Variants in ST6GALNAC6 observed in about 807,000 individuals in gnomAD.
The protein encoded by ST6GALNAC6 is ST6 N-acetylgalactosaminide alpha-2,6-sialyltransferase 6, also known as alpha-N-acetylgalactosaminide alpha-2,6-sialyltransferase 6.
A neutral mutation model predicts 34.3 loss-of-function variants in ST6GALNAC6; 19 were observed. That is an observed-to-expected ratio of 0.55 (90% confidence interval 0.39 to 0.81). The LOEUF (loss-of-function observed/expected upper bound fraction) is 0.81, where lower values mean the gene tolerates loss of function less well. ST6GALNAC6 is among the 40% of genes least tolerant of loss of function. The probability of loss-of-function intolerance (pLI) is 0.00; values close to 1 mark genes in which losing one functional copy is unlikely to be tolerated. For synonymous variants in ST6GALNAC6, 185 were observed against 182.1 expected, an observed-to-expected ratio of 1.02 and a Z score of -0.13; for missense variants, 377 against 467.7, an observed-to-expected ratio of 0.81 and a Z score of 1.79.
At chr9:127,905,508 C>A (rs1025642694), upstream of ST6GALNAC6, 9 of 896,378 alleles carry the variant, frequency 1.0e-5, no homozygotes, top group Non-Finnish European at 1.2e-5. Flanking sequence ...GAAGAGGAGG[C>A]AGCCTCCCAG....
intron 4 of ST6GALNAC6, among the ~76,000 whole-genome samples, chr9:127,892,386 T>C (rs75007291): frequency 0.047 from 7,154 of 152,300 alleles, 257 homozygotes; most frequent in African/African-American, 0.1. Context: ...GTAAAGTTAA[T>C]AAAAGGCCAC....
In ST6GALNAC6 at chr9:127,894,557, C is replaced by T. The variant is rs1430745975; in HGVS notation, c.252G>A (p.Lys84=). ...RGRSRRPVNL[K]KWSITDGYVP... is the part of the protein sequence containing the mutation. ...CATAGCCGTCAGTGATGCTCCACTT[C>T]TTGAGGTTGACAGGTCGGCGGCTAC... is the stretch of plus-strand genomic sequence containing the variant. Residue 84 remains lysine, a synonymous_variant, in exon 4 of 7, where the codon AAG becomes AAA. Transcript: ENST00000373146. 1 of 1,614,150 alleles carries T rather than the reference C, an allele frequency of 6.2e-7. No individual in the cohort carries two copies. Among genetic ancestry groups the T allele is most frequent in the Non-Finnish European group, 8.5e-7 (1 of 1,180,036 alleles).
rs981131550 is a variant in ST6GALNAC6, at chr9:127,897,776, G to T, written c.26+180C>A. 2.1e-6 allele frequency: 3 copies of T among 1,441,526 alleles called. No homozygotes were observed. The Admixed American group carries it at 6.7e-5, about 32-fold the overall frequency. The allele number at this position is 1,441,526 out of a possible 1,614,324, so 89.3% of individuals were successfully genotyped here. Reference sequence around the variant, plus strand: ...TCCAGCCGCCTATATCTTACTACGCGTGGCCACCCTTTCCTGCGGATGCCC... The same window carrying T: ...TCCAGCCGCCTATATCTTACTACGCTTGGCCACCCTTTCCTGCGGATGCCC... On this transcript the variant is annotated intron_variant, in intron 2 of 6. Coordinates refer to ENST00000373146, the MANE Select transcript of ST6GALNAC6 (RefSeq NM_013443.5).
intron 3 of ST6GALNAC6, among the ~76,000 whole-genome samples, chr9:127,896,004 G>A (rs541411195): frequency 4.1e-4 from 63 of 152,292 alleles, no homozygotes; most frequent in African/African-American, 1.4e-3. Context: ...CAGACAGACC[G>A]TCAGGCCTGG....
exon 1 of ST6GALNAC6, chr9:127,905,273 C>T (rs1474058278): frequency 1.0e-6 from 1 of 985,464 alleles, no homozygotes; most frequent in Non-Finnish European, 1.2e-6. Flanking sequence ...TCAAGACAGC[C>T]TTCAGTAGAC....
At chr9:127,889,758 T>A (rs1474544820) in intron 5 of ST6GALNAC6, among the ~76,000 whole-genome samples, 1 of 152,208 alleles carries the variant, frequency 6.6e-6, no homozygotes, top group Non-Finnish European at 1.5e-5. Context: ...AATCAATTTC[T>A]ATATGCCATT....
intron 6 of ST6GALNAC6, 31 bp from the exon 7 acceptor site, chr9:127,886,819 CA>C (rs1564481415): frequency 6.4e-7 from 1 of 1,567,496 alleles, no homozygotes; most frequent in African/African-American, 1.4e-5. Context: ...GTCATCAGGG[CA>C]AGGTGAGCGC....
rs764018000 is a variant in ST6GALNAC6 at position 127,896,288 on chromosome 9, C to A, written c.71G>T (p.Arg24Leu). The change falls in exon 3 of 7, where the codon CGA becomes CTA. Residue 24 changes from arginine (R) to leucine (L), a missense_variant. Transcript: ENST00000373146. ...CCGGCGTCTGCTGAGGGGTAGGTGTCGGCGTCCTGCAGGTGGCCCTGGGGG... is the reference window on the plus strand; with the variant it reads ...CCGGCGTCTGCTGAGGGGTAGGTGTAGGCGTCCTGCAGGTGGCCCTGGGGG... ...SLPPGPPAGRRHLPLSRRRRE... is the reference protein window; with the variant it reads ...SLPPGPPAGRLHLPLSRRRRE... 16 of 1,613,908 alleles carry A rather than the reference C, an allele frequency of 9.9e-6. No individual in the cohort carries two copies. Among genetic ancestry groups the A allele is most frequent in the Admixed American group, 6.7e-5 (4 of 59,982 alleles).
Position 127,890,768 on chromosome 9 carries a change from CT to C in ST6GALNAC6, c.572del (p.Lys191SerfsTer9). Reference protein sequence around the residue: ...IFWGPPSKMQKPQGSLVRVIQ... With the variant: ...IFWGPPSKMQXPQGSLVRVIQ... ...TCACACGCACGAGGCTGCCCTGGGG[CT>C]TCTGCATCTTGCTCGGGGGCCCCCA... On this transcript the variant is annotated frameshift_variant, in exon 5 of 7. Coordinates refer to ENST00000373146, the MANE Select transcript of ST6GALNAC6 (RefSeq NM_013443.5). LOFTEE classifies it high-confidence loss of function. The surrounding 1 kb of genome is among the most constrained non-coding windows in gnomAD (Gnocchi z 4.3). 6.2e-7 allele frequency: 1 copy of C among 1,612,368 alleles called. No homozygotes were observed. The highest frequency in any genetic ancestry group is 8.5e-7 in the Non-Finnish European group (1 of 1,178,606).
upstream of ST6GALNAC6, chr9:127,899,804 A>C (rs1830687814): frequency 2.0e-5 from 5 of 256,204 alleles, no homozygotes; most frequent in Non-Finnish European, 2.4e-5. Context: ...GACCACCAAA[A>C]TACAACAGCC....
At chr9:127,898,088 C>T (rs747895603) in intron 1 of ST6GALNAC6, 78 bp from the exon 2 acceptor site, 2 of 804,956 alleles carry the variant, frequency 2.5e-6, no homozygotes, top group Non-Finnish European at 4.1e-6. Flanking sequence ...AAGGGACACG[C>T]GGGGCTTGAA....
chr9:127,885,966 G>T lies in ST6GALNAC6; in HGVS notation c.*633C>A, dbSNP rs1392209274. ...GGCACTTGTAGGGGAGGTGGAAAGG[G>T]TCTCAGACTCCGCACTGGAAACTGG... On this transcript the variant is annotated 3_prime_UTR_variant, in exon 7 of 7. Transcript: ENST00000373146. The T allele has an allele frequency of 6.5e-6, 1 of 152,748 alleles. No individual in the cohort carries two copies. The highest frequency in any genetic ancestry group is 2.4e-5 in the African/African-American group (1 of 41,434). The allele number at this position is 152,748 out of a possible 1,614,324, so 9.5% of individuals were successfully genotyped here.
At chr9:127,897,006 C>T in intron 2 of ST6GALNAC6, 10 of 948,664 alleles carry the variant, frequency 1.1e-5, no homozygotes, top group Non-Finnish European at 1.3e-5. Context: ...CTGAGAGGCT[C>T]GGTTCTAGTC....
upstream of ST6GALNAC6, chr9:127,905,879 C>T (rs1229096901): frequency 1.0e-6 from 1 of 956,032 alleles, no homozygotes; most frequent in Non-Finnish European, 1.2e-6. Context: ...AGGGCCCTCC[C>T]TCTGAGCCCG....
rs1564489733 is a variant in ST6GALNAC6, at chr9:127,894,687, T to C, written c.122A>G (p.Gln41Arg). 2.5e-6 allele frequency: 4 copies of C among 1,614,022 alleles called. No homozygotes were observed. Among genetic ancestry groups the C allele is most frequent in the Non-Finnish European group, 1.7e-6 (2 of 1,179,942 alleles). Residue 41 changes from glutamine (Q) to arginine (R), a missense_variant, in exon 4 of 7, where the codon CAG becomes CGG. Gln to Arg is a conservative substitution (Grantham distance 43). Transcript: ENST00000373146. ...GAGGATCACGAACACTGCTGACCGCTGCTCCTGGAGAGAGGAGAGGTCAGT... is the reference window on the plus strand; with the variant it reads ...GAGGATCACGAACACTGCTGACCGCCGCTCCTGGAGAGAGGAGAGGTCAGT... Reference protein sequence around the residue: ...RRREMSSNKEQRSAVFVILFA... With the variant: ...RRREMSSNKERRSAVFVILFA...
chr9:127,902,302 G>A (rs1830784721), upstream of ST6GALNAC6, among the ~76,000 whole-genome samples: 1 of 151,898 alleles, frequency 6.6e-6, no homozygotes, highest in African/African-American at 2.4e-5. Flanking sequence ...GGGACTACAG[G>A]CGCGGGCCAC....
chr9:127,906,149 G>C (rs1257689158), upstream of ST6GALNAC6: 4 of 438,620 alleles, frequency 9.1e-6, no homozygotes, highest in South Asian at 2.8e-4. Flanking sequence ...CCAAGGGCGG[G>C]AGGGAGAGTA....
Position 127,894,568 on chromosome 9 carries a change from C to T in ST6GALNAC6, c.241G>A (p.Val81Ile). Residue 81 changes from valine to isoleucine, a missense_variant, in exon 4 of 7, where the codon GTC becomes ATC. Transcript: ENST00000373146. The stretch of plus-strand genomic sequence containing the variant: ...GTGATGCTCCACTTCTTGAGGTTGA[C>T]AGGTCGGCGGCTACGGCCCCGCAGG... Reference protein sequence around the residue: ...GSLRGRSRRPVNLKKWSITDG... With the variant: ...GSLRGRSRRPINLKKWSITDG... The T allele has an allele frequency of 1.2e-6, 2 of 1,614,160 alleles. No homozygotes were observed. The highest frequency in any genetic ancestry group is 1.7e-6 in the Non-Finnish European group (2 of 1,180,038).
intron 4 of ST6GALNAC6, among the ~76,000 whole-genome samples, chr9:127,891,459 A>T (rs898213581): frequency 1.3e-5 from 2 of 151,178 alleles, no homozygotes; most frequent in African/African-American, 4.9e-5. Flanking sequence ...CTACCAAAAA[A>T]TACAAAAATT....
Sources: gnomAD v4.1 joint callset for allele counts (sites outside exome capture counted in the v4.1 genomes callset) on GRCh38, gnomAD v4.1.1 for gene constraint, Gnocchi (gnomAD v3.1) non-coding constraint, MANE v1.5 for transcripts, NCBI Gene and HGNC (gene_info 2026-07-23, HGNC 2026-07-21) for gene names.